Variants in LRRC3B observed in about 807,000 individuals in gnomAD.
The protein encoded by LRRC3B is leucine rich repeat containing 3B.
Under a neutral mutation model 12.8 loss-of-function variants are expected in LRRC3B, and 2 were observed. The ratio of observed to expected loss-of-function variants is 0.16; its 90% CI spans 0.06 to 0.49. LRRC3B has a LOEUF of 0.49. Among genes scored for constraint, LRRC3B ranks in the 20% least tolerant of loss-of-function variants. The pLI, the probability that LRRC3B is intolerant of heterozygous loss-of-function variation, is 0.96. For missense variants in LRRC3B, 189 were observed against 319.4 expected, an observed-to-expected ratio of 0.59 and a Z score of 3.11; for synonymous variants, 132 against 122.0, an observed-to-expected ratio of 1.08 and a Z score of -0.54.
intron 1 of LRRC3B, among the ~76,000 whole-genome samples, chr3:26,639,331 A>T (rs1437348904): frequency 1.3e-5 from 2 of 152,140 alleles, no homozygotes; most frequent in African/African-American, 2.4e-5. Flanking sequence ...TTATACTTAC[A>T]CCATGTTGCA....
intron 1 of LRRC3B, among the ~76,000 whole-genome samples, chr3:26,681,574 G>A (rs1699971663): frequency 6.6e-6 from 1 of 152,190 alleles, no homozygotes; most frequent in Non-Finnish European, 1.5e-5. Context: ...AAAAGGGGAT[G>A]ATAGTGATTC....
intron 1 of LRRC3B, among the ~76,000 whole-genome samples, chr3:26,701,764 A>G (rs1277499138): frequency 6.6e-6 from 1 of 152,230 alleles, no homozygotes; most frequent in East Asian, 1.9e-4. Flanking sequence ...GGAAGGTGAC[A>G]TGATAGGTAC....
intron 1 of LRRC3B, among the ~76,000 whole-genome samples, chr3:26,697,607 C>A (rs1700350750): frequency 6.6e-6 from 1 of 152,110 alleles, no homozygotes; most frequent in East Asian, 1.9e-4. Context: ...CATAATCTAT[C>A]CTCTGATTCC....
intron 1 of LRRC3B, among the ~76,000 whole-genome samples, chr3:26,696,153 T>C (rs1700311158): frequency 6.6e-6 from 1 of 152,218 alleles, no homozygotes. Flanking sequence ...TGAGGTACTA[T>C]GCAGGCATTA....
At chr3:26,632,425 G>C (rs770209341) in intron 1 of LRRC3B, among the ~76,000 whole-genome samples, 3 of 152,168 alleles carry the variant, frequency 2.0e-5, no homozygotes, top group Non-Finnish European at 4.4e-5. Context: ...AGGAAGCTGA[G>C]AGGCTGAAGA....
intron 1 of LRRC3B, among the ~76,000 whole-genome samples, chr3:26,628,553 T>A (rs886821036): frequency 2.0e-5 from 3 of 151,846 alleles, no homozygotes; most frequent in African/African-American, 7.2e-5. Context: ...AATTTTGTAT[T>A]CATTTTATTA....
At chr3:26,706,219 A>T (rs1369075968) in intron 1 of LRRC3B, among the ~76,000 whole-genome samples, 2 of 151,970 alleles carry the variant, frequency 1.3e-5, no homozygotes, top group African/African-American at 4.8e-5. Context: ...TCATGACCTA[A>T]TCACTTCTCA....
At chr3:26,710,554 G>C in exon 2 of LRRC3B, 1 of 1,206,204 alleles carries the variant, frequency 8.3e-7, no homozygotes, top group Non-Finnish European at 1.1e-6. Context: ...TTGAAACTTT[G>C]TATTTCAGTT....
intron 1 of LRRC3B, among the ~76,000 whole-genome samples, chr3:26,702,820 A>C (rs1316071357): frequency 6.6e-6 from 1 of 152,162 alleles, no homozygotes; most frequent in African/African-American, 2.4e-5. Context: ...AGCAAGGGAC[A>C]CGTAGAATGG....
intron 1 of LRRC3B, among the ~76,000 whole-genome samples, chr3:26,636,540 T>G (rs1406163080): frequency 1.3e-5 from 2 of 152,180 alleles, no homozygotes; most frequent in Non-Finnish European, 2.9e-5. Context: ...TAGGTAACAG[T>G]TGGCGTGCCA....
intron 1 of LRRC3B, among the ~76,000 whole-genome samples, chr3:26,636,863 TC>T (rs1260123456): frequency 3.3e-5 from 3 of 92,290 alleles, no homozygotes; most frequent in East Asian, 5.3e-4. Flanking sequence ...CCTCCCTCCC[TC>T]CCTTCCTTCC....
intron 1 of LRRC3B, among the ~76,000 whole-genome samples, chr3:26,646,462 T>C (rs1248513528): frequency 1.3e-5 from 2 of 152,108 alleles, no homozygotes; most frequent in Admixed American, 1.3e-4. Context: ...GCATTAAGTA[T>C]GTTTTATCTT....
At chr3:26,659,477 A>G (rs566141569) in intron 1 of LRRC3B, among the ~76,000 whole-genome samples, 5 of 152,344 alleles carry the variant, frequency 3.3e-5, no homozygotes, top group Admixed American at 6.5e-5. Flanking sequence ...GATAATACAT[A>G]TGAAAGTTTA....
chr3:26,649,323 T>C lies in LRRC3B; in HGVS notation c.-161+26086T>C, dbSNP rs575452710. Reference sequence around the variant, plus strand: ...ACTGGTCTTAGTGGAAAAACTACCATTGGGGTTCTAAGATTCATAAAGAAT... The same window carrying C: ...ACTGGTCTTAGTGGAAAAACTACCACTGGGGTTCTAAGATTCATAAAGAAT... On this transcript the variant is annotated intron_variant, in intron 1 of 1. Coordinates refer to ENST00000396641, the Ensembl canonical transcript of LRRC3B. 2.7e-3 allele frequency among the ~76,000 whole-genome samples: 408 copies of C among 152,312 alleles called. 1 individual carries two copies. The highest frequency in any genetic ancestry group is 8.8e-3 in the African/African-American group (364 of 41,564).
exon 2 of LRRC3B, chr3:26,709,604 G>C: frequency 2.7e-6 from 4 of 1,492,856 alleles, no homozygotes; most frequent in Non-Finnish European, 3.7e-6. Flanking sequence ...GTGTGGACAG[G>C]GCTGGAACCT....
chr3:26,633,157 T>C (rs1698795082), intron 1 of LRRC3B, among the ~76,000 whole-genome samples: 1 of 152,124 alleles, frequency 6.6e-6, no homozygotes, highest in African/African-American at 2.4e-5. Flanking sequence ...CCCTCTCTTC[T>C]TCCTTTCTCT....
At chr3:26,686,821 A>T (rs73150428) in intron 1 of LRRC3B, among the ~76,000 whole-genome samples, 1,655 of 143,738 alleles carry the variant, frequency 0.012, 28 homozygotes, top group Middle Eastern at 0.035. Context: ...AACCAACCAC[A>T]GCCTCAGCCA....
At chr3:26,671,373 T>TATATATATATAGAGAGAGAGAGAGAGAG (rs1261897533) in intron 1 of LRRC3B, among the ~76,000 whole-genome samples, 2 of 28,258 alleles carry the variant, frequency 7.1e-5, no homozygotes. Context: ...TATATATATA[T>TATATATATATAGAGAGAGAGAGAGAGAG]AGAGAGAGAG....
At chr3:26,629,467 T>C (rs902079504) in intron 1 of LRRC3B, among the ~76,000 whole-genome samples, 2 of 152,122 alleles carry the variant, frequency 1.3e-5, no homozygotes, top group Non-Finnish European at 2.9e-5. Flanking sequence ...TGAGCTCTGA[T>C]TTGGAGAAAT....
Sources: gnomAD v4.1 joint callset for allele counts (sites outside exome capture counted in the v4.1 genomes callset) on GRCh38, gnomAD v4.1.1 for gene constraint, MANE v1.5 for transcripts, NCBI Gene and HGNC (gene_info 2026-07-23, HGNC 2026-07-21) for gene names.